ZBBX: variants seen among roughly 807,000 people sequenced by gnomAD.
ZBBX encodes the protein zinc finger B-box domain containing.
ZBBX carries 101 observed loss-of-function variants against 108.5 expected under a neutral mutation model. The observed-to-expected ratio is 0.93, with a 90% CI of 0.79 to 1.10. The LOEUF (loss-of-function observed/expected upper bound fraction) is 1.10. Among genes scored for constraint, ZBBX ranks in the 50% least tolerant of loss-of-function variants. The probability of loss-of-function intolerance (pLI) is 0.00; values close to 1 mark genes in which losing one functional copy is unlikely to be tolerated. For missense variants in ZBBX, 1,009 were observed against 941.4 expected (o/e 1.07, Z -0.94); for synonymous variants, 356 against 323.4 (o/e 1.10, Z -1.08).
chr3:167,339,022 T>A (rs1423876675), intron 9 of ZBBX, among the ~76,000 whole-genome samples: 1 of 152,194 alleles, frequency 6.6e-6, no homozygotes, highest in Admixed American at 6.6e-5. Flanking sequence ...TCAAGAATAT[T>A]TCAAAGTACA....
intron 20 of ZBBX, among the ~76,000 whole-genome samples, chr3:167,250,259 A>G (rs1722343563): frequency 1.3e-5 from 2 of 152,176 alleles, no homozygotes; most frequent in African/African-American, 2.4e-5. Flanking sequence ...CAGGAAACAG[A>G]CAAAAGCTTT....
At chr3:167,198,529 G>A in the ZBBX span, among the ~76,000 whole-genome samples, 188 of 152,108 alleles carry the variant, frequency 1.2e-3, 1 homozygote, top group African/African-American at 4.3e-3. Context: ...AGATCCTGTG[G>A]CTATTTCAAA....
chr3:167,364,229 T>C (rs1468003571), intron 6 of ZBBX, among the ~76,000 whole-genome samples: 2 of 151,542 alleles, frequency 1.3e-5, no homozygotes, highest in Non-Finnish European at 1.5e-5. Flanking sequence ...AACAAAAATA[T>C]ACCTCTCAAT....
At chr3:167,254,216 G>C (rs775160928) in intron 20 of ZBBX, among the ~76,000 whole-genome samples, 16 of 152,094 alleles carry the variant, frequency 1.1e-4, no homozygotes, top group Non-Finnish European at 1.8e-4. Context: ...GTGTTACAAT[G>C]TTTTTAACTT....
chr3:167,179,367 C>T, the ZBBX span, among the ~76,000 whole-genome samples: 2 of 152,236 alleles, frequency 1.3e-5, no homozygotes, highest in African/African-American at 2.4e-5. Flanking sequence ...GAGGCATTAG[C>T]ATGGGCTAAA....
rs141396641 is a variant in ZBBX at position 167,406,409 on chromosome 3, A to C, written c.-446+1317T>G. ...TGGAAAAAATGTAAATGGTAGAGAA[A>C]TCTAAATCACAGTCTTGTAAGATAT... is the stretch of plus-strand genomic sequence containing the variant. On this transcript the variant is annotated intron_variant, in intron 1 of 21. Coordinates refer to the ZBBX transcript ENST00000455345. Among the ~76,000 whole-genome samples the C allele has an allele frequency of 2.1e-3, 327 of 152,280 alleles. 2 individuals are homozygous for C. Among genetic ancestry groups the C allele is most frequent in the African/African-American group, 7.4e-3 (307 of 41,568 alleles).
chr3:167,232,812 G>A, the ZBBX span, among the ~76,000 whole-genome samples: 29 of 151,816 alleles, frequency 1.9e-4, no homozygotes, highest in South Asian at 6.0e-3. Flanking sequence ...AGGAGAAAGT[G>A]AGAATTACAC....
chr3:167,197,276 C>T, the ZBBX span, among the ~76,000 whole-genome samples: 6 of 151,776 alleles, frequency 4.0e-5, no homozygotes, highest in East Asian at 5.8e-4. Flanking sequence ...CGGTGGCTCA[C>T]GCCTGCAATC....
At chr3:167,219,977 C>A in the ZBBX span, among the ~76,000 whole-genome samples, 1 of 151,806 alleles carries the variant, frequency 6.6e-6, no homozygotes, top group African/African-American at 2.4e-5. Context: ...GAACAATGTG[C>A]CAATAAATTG....
At chr3:167,271,866 T>G (rs1726584366) in intron 20 of ZBBX, among the ~76,000 whole-genome samples, 1 of 152,184 alleles carries the variant, frequency 6.6e-6, no homozygotes, top group African/African-American at 2.4e-5. Context: ...TATTCCCTTT[T>G]CAAATGCAAC....
intron 20 of ZBBX, among the ~76,000 whole-genome samples, chr3:167,249,631 G>A (rs1270920014): frequency 1.3e-5 from 2 of 152,154 alleles, no homozygotes; most frequent in Admixed American, 6.5e-5. Context: ...GGGGATCTTG[G>A]CAAGTTTTCA....
intron 1 of ZBBX, among the ~76,000 whole-genome samples, chr3:167,389,347 A>G (rs1748017994): frequency 6.6e-6 from 1 of 152,148 alleles, no homozygotes; most frequent in Non-Finnish European, 1.5e-5. Flanking sequence ...CATGGTGTAT[A>G]TGTGCCACAT....
intron 20 of ZBBX, among the ~76,000 whole-genome samples, chr3:167,249,587 C>T (rs1722211977): frequency 6.6e-6 from 1 of 152,184 alleles, no homozygotes; most frequent in African/African-American, 2.4e-5. Flanking sequence ...AGGTCCAGGT[C>T]CCCTTCTCCG....
chr3:167,269,861 G>A (rs527473675), intron 20 of ZBBX, among the ~76,000 whole-genome samples: 16 of 152,230 alleles, frequency 1.1e-4, no homozygotes, highest in African/African-American at 3.9e-4. Context: ...CAGACTCAAA[G>A]CATGCTTTCT....
At chr3:167,251,155 C>T (rs1232740296) in intron 20 of ZBBX, among the ~76,000 whole-genome samples, 7 of 152,162 alleles carry the variant, frequency 4.6e-5, no homozygotes, top group Non-Finnish European at 5.9e-5. Context: ...AGTGGCCCAA[C>T]TCCAGGGAAA....
At chr3:167,391,964 C>T (rs1748096068) in intron 1 of ZBBX, among the ~76,000 whole-genome samples, 1 of 151,728 alleles carries the variant, frequency 6.6e-6, no homozygotes, top group African/African-American at 2.4e-5. Context: ...CTCTCACCTA[C>T]ATGAAGCTCC....
At chr3:167,242,670 C>T (rs763611801) in intron 20 of ZBBX, 27 bp from the exon 21 acceptor site, 1 of 1,598,096 alleles carries the variant, frequency 6.3e-7, no homozygotes, top group Non-Finnish European at 8.5e-7. Context: ...CATGCATTGT[C>T]AAAACATAAA....
At chr3:167,407,226 G>C (rs962876849) in intron 1 of ZBBX, among the ~76,000 whole-genome samples, 2 of 152,098 alleles carry the variant, frequency 1.3e-5, no homozygotes, top group African/African-American at 4.8e-5. Flanking sequence ...TCCAAATAAG[G>C]ATGTGAAAAA....
the ZBBX span, among the ~76,000 whole-genome samples, chr3:167,184,168 A>G: frequency 1.3e-5 from 2 of 152,206 alleles, no homozygotes; most frequent in Non-Finnish European, 2.9e-5. Context: ...AACATAAATA[A>G]CTTTCATTTA....
Sources: allele counts gnomAD v4.1 joint callset (sites outside exome capture counted in the v4.1 genomes callset), GRCh38; gene constraint gnomAD v4.1.1; transcripts MANE v1.5; gene names NCBI Gene and HGNC (gene_info 2026-07-23, HGNC 2026-07-21).